Variants in AFG1L observed in about 807,000 individuals in gnomAD.
AFG1L encodes AFG1 like ATPase.
AFG1L carries 53 observed loss-of-function variants against 62.2 expected under a neutral mutation model. The ratio of observed to expected loss-of-function variants is 0.85; its 90% confidence interval spans 0.68 to 1.07. The LOEUF (loss-of-function observed/expected upper bound fraction) is 1.07, where lower values mean the gene tolerates loss of function less well. AFG1L is among the 50% of genes least tolerant of loss of function. AFG1L has a pLI of 0.00. For missense variants in AFG1L, 555 were observed against 590.5 expected, an observed-to-expected ratio of 0.94 and a Z score of 0.62; for synonymous variants, 228 against 210.3, an observed-to-expected ratio of 1.08 and a Z score of -0.73.
chr6:108,451,580 A>G (rs1432146582), intron 8 of AFG1L, among the ~76,000 whole-genome samples: 1 of 152,244 alleles, frequency 6.6e-6, no homozygotes, highest in East Asian at 1.9e-4. Context: ...TTAGCAAGCT[A>G]CAAAACAGAG....
At chr6:108,353,616 G>A (rs1435298094) in intron 3 of AFG1L, among the ~76,000 whole-genome samples, 3 of 151,374 alleles carry the variant, frequency 2.0e-5, no homozygotes. Context: ...ATGTGAAGTG[G>A]TATCTTGTAG....
At chr6:108,493,516 G>T (rs1773848403) in intron 10 of AFG1L, among the ~76,000 whole-genome samples, 1 of 152,182 alleles carries the variant, frequency 6.6e-6, no homozygotes, top group Admixed American at 6.5e-5. Context: ...CTGAGTGGGG[G>T]CTCTGAGCTA....
chr6:108,464,420 C>G (rs537590402), intron 8 of AFG1L, among the ~76,000 whole-genome samples: 1 of 152,290 alleles, frequency 6.6e-6, no homozygotes, highest in Admixed American at 6.5e-5. Flanking sequence ...TTACTTTCCT[C>G]TCTGTTCACT....
intron 6 of AFG1L, among the ~76,000 whole-genome samples, chr6:108,382,959 T>A (rs1382802768): frequency 1.3e-5 from 2 of 152,178 alleles, no homozygotes; most frequent in African/African-American, 2.4e-5. Flanking sequence ...TGAAAGAAGC[T>A]GAGTGCCGTG....
chr6:108,348,033 G>GA (rs1040884821), intron 3 of AFG1L, among the ~76,000 whole-genome samples: 2 of 149,534 alleles, frequency 1.3e-5, no homozygotes. Flanking sequence ...TTTAGGAAAA[G>GA]AAAAAAAAAG....
At chr6:108,458,470 G>T (rs549600438) in intron 8 of AFG1L, among the ~76,000 whole-genome samples, 14 of 151,994 alleles carry the variant, frequency 9.2e-5, no homozygotes, top group Non-Finnish European at 1.9e-4. Flanking sequence ...CTAAACTTGG[G>T]TTTCTTTCCC....
chr6:108,438,362 G>C (rs1404280773), intron 7 of AFG1L, among the ~76,000 whole-genome samples: 1 of 152,002 alleles, frequency 6.6e-6, no homozygotes, highest in Admixed American at 6.6e-5. Flanking sequence ...TTTTCACATG[G>C]CCTTTCTGTG....
intron 2 of AFG1L, chr6:108,344,723 AC>A (rs1434571883): frequency 4.2e-6 from 2 of 470,616 alleles, no homozygotes; most frequent in Non-Finnish European, 8.8e-6. Context: ...TTTCTGTTTT[AC>A]CCTCCCTTTC....
At chr6:108,500,745 G>A (rs1030482037) in intron 10 of AFG1L, among the ~76,000 whole-genome samples, 2 of 152,126 alleles carry the variant, frequency 1.3e-5, no homozygotes, top group African/African-American at 4.8e-5. Flanking sequence ...TTTCCATGGG[G>A]GTTGAACTAA....
intron 7 of AFG1L, among the ~76,000 whole-genome samples, chr6:108,419,181 T>C (rs964071134): frequency 2.0e-5 from 3 of 152,184 alleles, no homozygotes; most frequent in Admixed American, 2.0e-4. Flanking sequence ...TTAATCAGTT[T>C]AACAGTGTGA....
chr6:108,420,413 A>C (rs1399785821), intron 7 of AFG1L, among the ~76,000 whole-genome samples: 2 of 148,048 alleles, frequency 1.4e-5, no homozygotes, highest in African/African-American at 4.9e-5. Flanking sequence ...TTATTTTATT[A>C]AAAAATAAAA....
intron 10 of AFG1L, among the ~76,000 whole-genome samples, chr6:108,481,398 C>T (rs1773316680): frequency 1.3e-5 from 2 of 152,078 alleles, no homozygotes; most frequent in Non-Finnish European, 2.9e-5. Flanking sequence ...GTTTATAGAC[C>T]TCTAGGGGTC....
At chr6:108,353,153 ATTTT>A (rs35734578) in intron 3 of AFG1L, among the ~76,000 whole-genome samples, 3 of 121,016 alleles carry the variant, frequency 2.5e-5, no homozygotes, top group Admixed American at 8.3e-5. Context: ...ACAATGTTTA[ATTTT>A]TTTTTTTTTT....
At chr6:108,312,731 A>G (rs1262561684) in intron 1 of AFG1L, among the ~76,000 whole-genome samples, 1 of 152,024 alleles carries the variant, frequency 6.6e-6, no homozygotes. Context: ...CAAGATTAAG[A>G]TTATCTTGCC....
chr6:108,396,167 C>G, intron 6 of AFG1L, among the ~76,000 whole-genome samples: 1 of 151,814 alleles, frequency 6.6e-6, no homozygotes. Flanking sequence ...GCATGAGCCA[C>G]CATGCACAAC....
intron 7 of AFG1L, among the ~76,000 whole-genome samples, chr6:108,417,935 G>C (rs972701570): frequency 6.6e-6 from 1 of 152,158 alleles, no homozygotes; most frequent in Non-Finnish European, 1.5e-5. Flanking sequence ...CCGGGTTCAC[G>C]CCATTCTGCT....
intron 2 of AFG1L, 27 bp from the exon 3 acceptor site, chr6:108,346,961 G>T: frequency 1.9e-6 from 3 of 1,557,116 alleles, no homozygotes; most frequent in Non-Finnish European, 2.7e-6. Context: ...GCATGGTAGA[G>T]ATTTATAATT....
intron 7 of AFG1L, among the ~76,000 whole-genome samples, chr6:108,427,201 C>T (rs574466449): frequency 2.6e-5 from 4 of 152,058 alleles, no homozygotes; most frequent in Non-Finnish European, 4.4e-5. Context: ...CTCCTGGGCT[C>T]AAGTGATCCT....
At chr6:108,312,714 C>T (rs1777459088) in intron 1 of AFG1L, among the ~76,000 whole-genome samples, 1 of 152,250 alleles carries the variant, frequency 6.6e-6, no homozygotes, top group South Asian at 2.1e-4. Flanking sequence ...AGCTTTATGA[C>T]ATATGTCAAG....
Sources: gnomAD v4.1 joint callset for allele counts (sites outside exome capture counted in the v4.1 genomes callset) on GRCh38, gnomAD v4.1.1 for gene constraint, MANE v1.5 for transcripts, NCBI Gene and HGNC (gene_info 2026-07-23, HGNC 2026-07-21) for gene names.